Variants in PRKDC observed in about 807,000 individuals in gnomAD.
PRKDC encodes protein kinase, DNA-activated, catalytic subunit, also known as DNA-dependent protein kinase catalytic subunit.
PRKDC carries 82 observed loss-of-function variants against 486.9 expected under a neutral mutation model. That is an observed-to-expected ratio of 0.17 (90% CI 0.14 to 0.20). The LOEUF is 0.20. Ranked by LOEUF, PRKDC falls within the 10% of genes least tolerant of loss-of-function variation. The pLI is 1.00. For missense variants in PRKDC, 4,504 were observed against 5,038.2 expected (o/e 0.89, Z 3.21); for synonymous variants, 1,895 against 1,837.0 (o/e 1.03, Z -0.81).
chr8:47,890,761 C>T (rs1258927021), intron 31 of PRKDC, among the ~76,000 whole-genome samples: 1 of 151,878 alleles, frequency 6.6e-6, no homozygotes, highest in African/African-American at 2.4e-5. Flanking sequence ...CAATTCGTAC[C>T]AAGTTTTTAA....
chr8:47,916,932 A>T (rs1407543882), intron 22 of PRKDC, among the ~76,000 whole-genome samples: 2 of 152,222 alleles, frequency 1.3e-5, no homozygotes, highest in Admixed American at 1.3e-4. Flanking sequence ...TTAGAGAACC[A>T]TAGTGCTAAG....
intron 22 of PRKDC, among the ~76,000 whole-genome samples, chr8:47,916,455 A>G (rs1195299665): frequency 6.6e-6 from 1 of 152,120 alleles, no homozygotes; most frequent in African/African-American, 2.4e-5. Flanking sequence ...AAAATCTTTA[A>G]GTAATGAGAA....
chr8:47,859,717 C>T lies in PRKDC; in HGVS notation c.6101G>A (p.Ser2034Asn). 1 of 1,613,562 alleles carries T rather than the reference C, an allele frequency of 6.2e-7. No homozygotes were observed. The highest frequency in any genetic ancestry group is 8.5e-7 in the Non-Finnish European group (1 of 1,179,550). The change falls in exon 46 of 86, where the codon AGT becomes AAT. Residue 2034 changes from serine (S) to asparagine (N), a missense_variant. Physicochemically the swap from Ser to Asn is conservative, Grantham distance 46. Transcript: ENST00000314191. Reference protein sequence around the residue: ...YMSSLSYLADSTLSEEMSQFD... With the variant: ...YMSSLSYLADNTLSEEMSQFD... ...TTGACTCATTTCCTCACTCAGGGTA[C>T]TGTCTGCCAAATATGACAGGGAAGA...
At chr8:47,853,535 A>G (rs2088464524) in intron 51 of PRKDC, among the ~76,000 whole-genome samples, 1 of 152,108 alleles carries the variant, frequency 6.6e-6, no homozygotes, top group Admixed American at 6.5e-5. Context: ...CATCTTTCTG[A>G]GGCCTCTTGT....
At chr8:47,821,405 C>T (rs974934828) in intron 65 of PRKDC, among the ~76,000 whole-genome samples, 199 bp downstream of exon 65, 2 of 152,164 alleles carry the variant, frequency 1.3e-5, no homozygotes, top group African/African-American at 4.8e-5. Flanking sequence ...AAATGCATTG[C>T]ATTCACTTTG....
At chr8:47,781,666 A>T (rs2086702471) in intron 80 of PRKDC, among the ~76,000 whole-genome samples, 1 of 152,248 alleles carries the variant, frequency 6.6e-6, no homozygotes, top group Non-Finnish European at 1.5e-5. Context: ...AAGGATACAG[A>T]AAAATAAAAA....
chr8:47,933,235 A>T, intron 15 of PRKDC, 63 bp from the exon 16 acceptor site: 1 of 1,324,886 alleles, frequency 7.5e-7, no homozygotes, highest in East Asian at 2.7e-5. Context: ...GTATTTTATA[A>T]GCATTAAGAC....
intron 85 of PRKDC, 111 bp from the exon 86 acceptor site, chr8:47,774,488 ATTTTC>A (rs892497815): frequency 2.9e-6 from 3 of 1,024,340 alleles, no homozygotes. Flanking sequence ...CTCACAGAGT[ATTTTC>A]TGTGGCTTAT....
intron 83 of PRKDC, 121 bp downstream of exon 83, chr8:47,778,338 T>C (rs1488995072): frequency 4.6e-6 from 5 of 1,096,862 alleles, no homozygotes; most frequent in Non-Finnish European, 3.9e-6. Flanking sequence ...TCAATGACCA[T>C]GACAAAACGA....
rs150449253 is a variant in PRKDC at position 47,807,286 on chromosome 8, G to A, written c.9598C>T (p.Leu3200Phe). Reference sequence around the variant, plus strand: ...ACATTCATACTATTATCTTCTGGAAGAGGGGTAAGCTTCTCCTCTATTTTG... The same window carrying A: ...ACATTCATACTATTATCTTCTGGAAAAGGGGTAAGCTTCTCCTCTATTTTG... ...LSKIEEKLTP[L>F]PEDNSMNVDQ... The change falls in exon 69 of 86, where the codon CTT becomes TTT. Residue 3200 changes from leucine (L) to phenylalanine (F), a missense_variant. Physicochemically the swap from Leu to Phe is conservative, Grantham distance 22 (BLOSUM62 0). This residue lies in a region of PRKDC where 1,592 missense variants were observed against 1,724.6 expected (regional missense o/e 0.92). Transcript: ENST00000314191. 7 of 1,606,716 alleles carry A rather than the reference G, an allele frequency of 4.4e-6. No homozygotes were observed. In the Middle Eastern group the frequency reaches 6.6e-4, roughly 152 times the overall value.
intron 84 of PRKDC, 145 bp downstream of exon 84, chr8:47,777,541 T>C: frequency 2.0e-6 from 2 of 992,170 alleles, no homozygotes; most frequent in Non-Finnish European, 2.8e-6. Context: ...CAATCCTAAA[T>C]ACTAACTTTG....
At chr8:47,908,286 C>T (rs929962238) in intron 25 of PRKDC, among the ~76,000 whole-genome samples, 7 of 152,216 alleles carry the variant, frequency 4.6e-5, no homozygotes, top group Admixed American at 6.5e-5. Flanking sequence ...TACATTCCAT[C>T]GGCCATTTAC....
intron 25 of PRKDC, among the ~76,000 whole-genome samples, chr8:47,911,567 G>T (rs184794981): frequency 6.6e-6 from 1 of 152,090 alleles, no homozygotes; most frequent in Non-Finnish European, 1.5e-5. Context: ...CATGTATACT[G>T]CAGAATTTTC....
chr8:47,785,526 G>A (rs2086775958), intron 76 of PRKDC, among the ~76,000 whole-genome samples: 1 of 152,044 alleles, frequency 6.6e-6, no homozygotes, highest in Non-Finnish European at 1.5e-5. Context: ...TTGAGCCAAG[G>A]AGTTTGAGAC....
rs1169006469 is a variant in PRKDC, at chr8:47,785,190, G to A, written c.11030C>T (p.Pro3677Leu). The change falls in exon 77 of 86, where the codon CCT becomes CTT. Residue 3677 changes from proline to leucine, a missense_variant. Pro to Leu is a moderately conservative substitution (Grantham distance 98). Coordinates refer to ENST00000314191, the MANE Select transcript of PRKDC (RefSeq NM_006904.7). Reference protein sequence around the residue: ...LLKMNKDSKPPGNLKECSPWM... With the variant: ...LLKMNKDSKPLGNLKECSPWM... ...GGGTGAACATTCTTTCAGATTCCCA[G>A]GGGGCTTTGAGTCTTTGTTCATTTT... 2 of 1,613,922 alleles carry A rather than the reference G, an allele frequency of 1.2e-6. No homozygotes were observed. Among genetic ancestry groups the A allele is most frequent in the Non-Finnish European group, 8.5e-7 (1 of 1,179,860 alleles).
At chr8:47,786,527 T>C (rs187196437) in intron 76 of PRKDC, among the ~76,000 whole-genome samples, 53 of 152,248 alleles carry the variant, frequency 3.5e-4, no homozygotes, top group Admixed American at 2.8e-3. Context: ...TAGTTAGTGG[T>C]CTACATCATT....
intron 60 of PRKDC, 65 bp from the exon 61 acceptor site, chr8:47,830,801 G>C: frequency 6.3e-7 from 1 of 1,594,976 alleles, no homozygotes; most frequent in Non-Finnish European, 8.6e-7. Flanking sequence ...TCGTGCATGA[G>C]CTATGAGGCT....
At chr8:47,929,255 G>T in intron 18 of PRKDC, 77 bp from the exon 19 acceptor site, 2 of 976,954 alleles carry the variant, frequency 2.0e-6, no homozygotes, top group Non-Finnish European at 3.2e-6. Context: ...TTCCTAGCCT[G>T]TCTTCAGAGG....
chr8:47,930,019 AAAC>A lies in PRKDC; in HGVS notation c.1893-10_1893-8del, dbSNP rs781644180. 12 of 1,592,710 alleles carry A rather than the reference AAAC, an allele frequency of 7.5e-6. No individual in the cohort carries two copies. The highest frequency in any genetic ancestry group is 1.0e-5 in the Non-Finnish European group (12 of 1,172,546). ...TTTCTCAGGGAGAATCTCTCTGTAA[AAAC>A]AAATTAGAAATTGAAGGTAGAAATT... is the stretch of plus-strand genomic sequence containing the variant. On this transcript the variant is annotated splice_polypyrimidine_tract_variant and splice_region_variant and intron_variant, in intron 17 of 85. Transcript: ENST00000314191.
Sources: gnomAD v4.1 joint callset for allele counts (sites outside exome capture counted in the v4.1 genomes callset) on GRCh38, gnomAD v4.1.1 for gene constraint, gnomAD v4.1.1 regional missense constraint, MANE v1.5 for transcripts, NCBI Gene and HGNC (gene_info 2026-07-23, HGNC 2026-07-21) for gene names.